The following ATP2A2 variants were observed in gnomAD, a reference collection of about 807,000 sequenced individuals.
ATP2A2 encodes sarcoplasmic/endoplasmic reticulum calcium ATPase 2.
A neutral mutation model predicts 109.3 loss-of-function variants in ATP2A2; 14 were observed. The ratio of observed to expected loss-of-function variants is 0.13; its 90% confidence interval spans 0.08 to 0.20. The LOEUF (loss-of-function observed/expected upper bound fraction) is 0.20. Among genes scored for constraint, ATP2A2 ranks in the 10% least tolerant of loss-of-function variants. The pLI is 1.00. For synonymous variants in ATP2A2, 506 were observed against 490.9 expected (o/e 1.03, Z -0.41); for missense variants, 657 against 1,321.6 (o/e 0.50, Z 7.80).
At chr12:110,308,099 T>C (rs1261470296) in intron 5 of ATP2A2, among the ~76,000 whole-genome samples, 1 of 152,264 alleles carries the variant, frequency 6.6e-6, no homozygotes, top group African/African-American at 2.4e-5. Flanking sequence ...GTTTGCCATC[T>C]TGCTGAACTC....
intron 5 of ATP2A2, among the ~76,000 whole-genome samples, chr12:110,317,709 A>G (rs949467550): frequency 2.0e-5 from 3 of 152,190 alleles, no homozygotes; most frequent in African/African-American, 7.2e-5. Flanking sequence ...ATCAGTATTT[A>G]TATTTGACAT....
chr12:110,347,677 T>TA lies in ATP2A2; in HGVS notation c.*1208dup. ...ATGTGGCACTAACCACCACCACCGT[T>TA]ACTACGATCAATGTTTGCGCATGTT... is the stretch of plus-strand genomic sequence containing the variant. On this transcript the variant is annotated 3_prime_UTR_variant, in exon 20 of 20. Transcript: ENST00000539276. 8.5e-7 allele frequency: 1 copy of TA among 1,172,650 alleles called. No individual in the cohort carries two copies. The highest frequency in any genetic ancestry group is 1.1e-6 in the Non-Finnish European group (1 of 933,208). The allele number at this position is 1,172,650 out of a possible 1,614,324, so 72.6% of individuals were successfully genotyped here.
rs1241862414 is a variant in ATP2A2, at chr12:110,350,916, G to A, written c.*4446G>A. The A allele has an allele frequency of 6.5e-6, 1 of 154,104 alleles. No individual in the cohort carries two copies. The highest frequency in any genetic ancestry group is 1.9e-4 in the East Asian group (1 of 5,236). 9.5% of individuals were successfully genotyped at this position (154,104 alleles called of 1,614,324 possible). On this transcript the variant is annotated 3_prime_UTR_variant, in exon 20 of 20. Coordinates refer to ENST00000539276, the MANE Select transcript of ATP2A2 (RefSeq NM_170665.4). ...ATGAAATCAGAAGCAGTAGACAGAT[G>A]TTGGTGCAATACAAATATTGTGATG...
At chr12:110,319,226 A>G (rs1016933012) in intron 5 of ATP2A2, among the ~76,000 whole-genome samples, 2 of 136,280 alleles carry the variant, frequency 1.5e-5, no homozygotes, top group Non-Finnish European at 3.2e-5. Context: ...AAAAAATGAA[A>G]AAAAAAAAAA....
intron 5 of ATP2A2, among the ~76,000 whole-genome samples, chr12:110,309,663 G>C (rs1269378909): frequency 6.6e-6 from 1 of 151,916 alleles, no homozygotes; most frequent in African/African-American, 2.4e-5. Context: ...AGCACTTTTG[G>C]GGGAGGCCAA....
At chr12:110,293,858 G>A (rs866378399) in intron 4 of ATP2A2, among the ~76,000 whole-genome samples, 186 of 123,230 alleles carry the variant, frequency 1.5e-3, no homozygotes, top group Non-Finnish European at 2.3e-3. Context: ...GTGTGTGTGT[G>A]TGTGTGTATA....
chr12:110,350,438 C>T lies in ATP2A2; in HGVS notation c.*3968C>T. Reference sequence around the variant, plus strand: ...GAAAAGTAAAAAACTTCCCAACTCACTTTGTGTTATGTGGAGGAAATGTGT... The same window carrying T: ...GAAAAGTAAAAAACTTCCCAACTCATTTTGTGTTATGTGGAGGAAATGTGT... On this transcript the variant is annotated 3_prime_UTR_variant, in exon 20 of 20. Transcript: ENST00000539276. 2 of 1,444,542 alleles carry T rather than the reference C, an allele frequency of 1.4e-6. No homozygotes were observed. Among genetic ancestry groups the T allele is most frequent in the Non-Finnish European group, 1.9e-6 (2 of 1,033,366 alleles). The allele number at this position is 1,444,542 out of a possible 1,614,324, so 89.5% of individuals were successfully genotyped here. A position where few individuals can be genotyped will look rare whatever the true frequency, so the allele number is the denominator to read the frequency against.
chr12:110,332,427 G>A, intron 8 of ATP2A2, 170 bp from the exon 9 acceptor site: 3 of 673,246 alleles, frequency 4.5e-6, no homozygotes, highest in South Asian at 3.3e-5. Flanking sequence ...GCTAGTTAGG[G>A]TAAGGGACAG....
chr12:110,331,968 CTA>C (rs571414879), intron 8 of ATP2A2: 233 of 155,000 alleles, frequency 1.5e-3, no homozygotes, highest in Non-Finnish European at 2.5e-3. Context: ...TCTGTATTGT[CTA>C]GGGAACATCA....
chr12:110,313,724 T>G (rs1011628647), intron 5 of ATP2A2, among the ~76,000 whole-genome samples: 28 of 149,294 alleles, frequency 1.9e-4, no homozygotes, highest in African/African-American at 6.7e-4. Context: ...TTTTTTTTTT[T>G]TTTGAGACAA....
rs3026440 is a variant in ATP2A2, at chr12:110,284,147, T to C, written c.219+1352T>C. Among the ~76,000 whole-genome samples the C allele has an allele frequency of 2.8e-3, 425 of 152,338 alleles. 10 individuals are homozygous for C. In the East Asian group the frequency reaches 0.06, roughly 22 times the overall value. ...TTCTGAGTCAGTCACAATGTACCTC[T>C]GATAAAATGTTTCTTCTTGATTGAT... On this transcript the variant is annotated intron_variant, in intron 3 of 19. Coordinates refer to ENST00000539276, the MANE Select transcript of ATP2A2 (RefSeq NM_170665.4).
At chr12:110,285,263 C>T (rs550600989) in intron 3 of ATP2A2, among the ~76,000 whole-genome samples, 14 of 152,058 alleles carry the variant, frequency 9.2e-5, no homozygotes, top group Admixed American at 2.6e-4. Flanking sequence ...TTTTTTGAAA[C>T]GGTCACTTGG....
chr12:110,330,048 T>C (rs1311863866), intron 8 of ATP2A2: 5 of 152,236 alleles, frequency 3.3e-5, no homozygotes, highest in Admixed American at 3.3e-4. Context: ...AAACCTCATA[T>C]AACATGAGCA....
intron 5 of ATP2A2, among the ~76,000 whole-genome samples, chr12:110,303,380 A>G (rs1874891738): frequency 6.6e-6 from 1 of 151,982 alleles, no homozygotes. Flanking sequence ...GGCTTGGGCC[A>G]TTATGCCTGG....
Position 110,333,197 on chromosome 12 carries a change from C to T in ATP2A2, c.1201C>T (p.Pro401Ser), listed in dbSNP as rs948146654. Reference sequence around the variant, plus strand: ...TTTGGGCAGGCATAAAGATGATAAACCAGTGAATTGTCACCAGTATGATGG... The same window carrying T: ...TTTGGGCAGGCATAAAGATGATAAATCAGTGAATTGTCACCAGTATGATGG... ...PIGEVHKDDK[P>S]VNCHQYDGLV... Residue 401 changes from proline to serine, a missense_variant, in exon 10 of 20, where the codon CCA becomes TCA. Transcript: ENST00000539276. The T allele has an allele frequency of 9.3e-6, 15 of 1,613,768 alleles. No homozygotes were observed. Among genetic ancestry groups the T allele is most frequent in the Middle Eastern group, 1.7e-4 (1 of 6,060 alleles).
chr12:110,286,161 T>C (rs1408681032), intron 3 of ATP2A2, among the ~76,000 whole-genome samples: 2 of 152,108 alleles, frequency 1.3e-5, no homozygotes, highest in Non-Finnish European at 2.9e-5. Context: ...TGACCTCAGG[T>C]TATCACCTGC....
Position 110,323,071 on chromosome 12 carries a change from A to C in ATP2A2, c.543A>C (p.Thr181=), listed in dbSNP as rs762443728. ...TTLRVDQSIL[T]GESVSVIKHT... ...TAAGAGTTGACCAGTCAATTCTCACAGGTAAATATGATATATTAAGTCATT... is the reference window on the plus strand; with the variant it reads ...TAAGAGTTGACCAGTCAATTCTCACCGGTAAATATGATATATTAAGTCATT... The change falls in exon 6 of 20, where the codon ACA becomes ACC. Residue 181 remains threonine, a splice_region_variant and synonymous_variant. Transcript: ENST00000539276. 6.3e-7 allele frequency: 1 copy of C among 1,598,486 alleles called. No individual in the cohort carries two copies. The highest frequency in any genetic ancestry group is 8.6e-7 in the Non-Finnish European group (1 of 1,165,788).
At chr12:110,299,024 C>T (rs999218614) in intron 5 of ATP2A2, among the ~76,000 whole-genome samples, 1 of 152,162 alleles carries the variant, frequency 6.6e-6, no homozygotes, top group Non-Finnish European at 1.5e-5. Flanking sequence ...GGCTGGAGTG[C>T]AGTGGCACCA....
chr12:110,348,773 C>T lies in ATP2A2; in HGVS notation c.*2303C>T, dbSNP rs1371846442. 6 of 985,356 alleles carry T rather than the reference C, an allele frequency of 6.1e-6. No homozygotes were observed. The highest frequency in any genetic ancestry group is 7.2e-6 in the Non-Finnish European group (6 of 830,022). 61.0% of individuals were successfully genotyped at this position (985,356 alleles called of 1,614,324 possible). ...CAGCTGTGGCTCTCGGGAAGGGAGG[C>T]TGCTTTGCCCAGCAGGGAACATTTG... On this transcript the variant is annotated 3_prime_UTR_variant, in exon 20 of 20. Coordinates refer to ENST00000539276, the MANE Select transcript of ATP2A2 (RefSeq NM_170665.4).
Sources: gnomAD v4.1 joint callset for allele counts (sites outside exome capture counted in the v4.1 genomes callset) on GRCh38, gnomAD v4.1.1 for gene constraint, MANE v1.5 for transcripts, NCBI Gene and HGNC (gene_info 2026-07-23, HGNC 2026-07-21) for gene names.